PALLD: variants seen among roughly 807,000 people sequenced by gnomAD.
PALLD encodes palladin, cytoskeletal associated protein, also known as palladin.
Under a neutral mutation model 123.5 loss-of-function variants are expected in PALLD, and 61 were observed. The ratio of observed to expected loss-of-function variants is 0.49; its 90% confidence interval spans 0.40 to 0.61. PALLD has a LOEUF of 0.61. Ranked by LOEUF, PALLD falls within the 20% of genes least tolerant of loss-of-function variation. The pLI, the probability that PALLD is intolerant of heterozygous loss-of-function variation, is 0.00. For synonymous variants in PALLD, 465 were observed against 496.4 expected, an observed-to-expected ratio of 0.94 and a Z score of 0.84; for missense variants, 1,273 against 1,377.0, an observed-to-expected ratio of 0.92 and a Z score of 1.20.
intron 10 of PALLD, among the ~76,000 whole-genome samples, chr4:168,849,108 T>C (rs531265697): frequency 6.6e-6 from 1 of 152,376 alleles, no homozygotes; most frequent in East Asian, 1.9e-4. Flanking sequence ...AGTCTTAGTA[T>C]ATTTCAGGTT....
At chr4:168,654,628 A>G (rs752741612) in intron 2 of PALLD, 2 of 152,238 alleles carry the variant, frequency 1.3e-5, no homozygotes, top group African/African-American at 4.8e-5. Flanking sequence ...GAAATGAAAC[A>G]TGGCATTTTA....
intron 10 of PALLD, among the ~76,000 whole-genome samples, chr4:168,800,446 G>T (rs1739163433): frequency 6.6e-6 from 1 of 152,018 alleles, no homozygotes; most frequent in Non-Finnish European, 1.5e-5. Flanking sequence ...AAATAAATAA[G>T]TGAAAAGTAG....
At chr4:168,651,265 C>A (rs1778012665) in intron 2 of PALLD, among the ~76,000 whole-genome samples, 2 of 152,154 alleles carry the variant, frequency 1.3e-5, no homozygotes, top group Non-Finnish European at 1.5e-5. Context: ...GAGTGTTGGG[C>A]AAACTGGTTC....
chr4:168,694,796 C>A (rs961540797), intron 8 of PALLD, among the ~76,000 whole-genome samples: 1 of 152,228 alleles, frequency 6.6e-6, no homozygotes, highest in African/African-American at 2.4e-5. Context: ...CAGCTTGCAT[C>A]ACAAATCTTT....
rs576325430 is a variant in PALLD, at chr4:168,618,016, C to T, written c.909-50174C>T. Among the ~76,000 whole-genome samples the T allele has an allele frequency of 2.0e-5, 3 of 152,188 alleles. No homozygotes were observed. In the East Asian group the frequency reaches 5.8e-4, roughly 30 times the overall value. On this transcript the variant is annotated intron_variant, in intron 2 of 21. Transcript: ENST00000505667. ...CCCTGCTCTTGCTTTGCAAAGAAAT[C>T]ATCAGTAAAGTTCTATATTTTTCTT...
intron 8 of PALLD, among the ~76,000 whole-genome samples, chr4:168,704,884 A>G (rs1784081231): frequency 6.6e-6 from 1 of 152,114 alleles, no homozygotes; most frequent in Middle Eastern, 3.2e-3. Context: ...CTTTGTGATT[A>G]TAGGATCATT....
chr4:168,631,775 T>C, intron 2 of PALLD: 2 of 985,482 alleles, frequency 2.0e-6, no homozygotes, highest in African/African-American at 3.5e-5. Context: ...ATTTTCTCCG[T>C]TGCATTCTGC....
intron 2 of PALLD, among the ~76,000 whole-genome samples, chr4:168,579,266 T>C (rs1468654177): frequency 9.2e-5 from 14 of 152,132 alleles, no homozygotes; most frequent in Non-Finnish European, 5.9e-5. Flanking sequence ...TTCATGTAAT[T>C]CGGGTAAGAA....
intron 17 of PALLD, among the ~76,000 whole-genome samples, chr4:168,918,490 C>CTCAT (rs903679596): frequency 6.6e-6 from 1 of 152,020 alleles, no homozygotes; most frequent in African/African-American, 2.4e-5. Flanking sequence ...AAAAGTTGAA[C>CTCAT]TCATAGTAGA....
intron 10 of PALLD, among the ~76,000 whole-genome samples, chr4:168,877,271 C>G (rs1326968628): frequency 1.3e-5 from 2 of 152,214 alleles, no homozygotes; most frequent in African/African-American, 4.8e-5. Flanking sequence ...ATTGGACTAA[C>G]GTAAATCTGC....
chr4:168,784,865 C>T (rs1016406562), intron 10 of PALLD, among the ~76,000 whole-genome samples: 13 of 152,026 alleles, frequency 8.6e-5, no homozygotes, highest in Admixed American at 5.2e-4. Flanking sequence ...CAAACAATGC[C>T]GCCTTATGAG....
At chr4:168,615,705 A>AG (rs1212758832) in intron 2 of PALLD, among the ~76,000 whole-genome samples, 6 of 152,130 alleles carry the variant, frequency 3.9e-5, no homozygotes, top group African/African-American at 9.7e-5. Flanking sequence ...TCCCCAGCCA[A>AG]GGGGGGTGCT....
intron 2 of PALLD, among the ~76,000 whole-genome samples, chr4:168,605,920 T>A (rs1002038631): frequency 6.7e-6 from 1 of 150,092 alleles, no homozygotes. Flanking sequence ...TTATCCTTTT[T>A]TTTAAGAGTT....
At chr4:168,565,300 T>C (rs767967802) in intron 2 of PALLD, among the ~76,000 whole-genome samples, 8 of 152,162 alleles carry the variant, frequency 5.3e-5, no homozygotes, top group Non-Finnish European at 7.3e-5. Context: ...ATAGGCTAGA[T>C]GTTTCAGTAG....
rs866393252 is a variant in PALLD at position 168,781,326 on chromosome 4, C to T, written c.1964+69403C>T. Among the ~76,000 whole-genome samples, 5 of 152,110 alleles carry T rather than the reference C, an allele frequency of 3.3e-5. 1 individual carries two copies. Among genetic ancestry groups the T allele is most frequent in the African/African-American group, 1.2e-4 (5 of 41,410 alleles). On this transcript the variant is annotated intron_variant, in intron 10 of 21. Coordinates refer to ENST00000505667, the MANE Select transcript of PALLD (RefSeq NM_001166108.2). ...GGTATCTTCCTTCCCTGCATTTTGG[C>T]CAGTTTCAAGTCAGAAGTGGGCAGA... is the stretch of plus-strand genomic sequence containing the variant.
At chr4:168,521,461 AAG>A (rs1763555572) in intron 2 of PALLD, among the ~76,000 whole-genome samples, 1 of 152,168 alleles carries the variant, frequency 6.6e-6, no homozygotes, top group Non-Finnish European at 1.5e-5. Context: ...AACACAGAGA[AAG>A]AGTTTAAAAC....
chr4:168,817,700 A>G (rs913123644), intron 10 of PALLD, among the ~76,000 whole-genome samples: 3 of 152,230 alleles, frequency 2.0e-5, no homozygotes, highest in Admixed American at 2.0e-4. Flanking sequence ...ACTCCTAAAC[A>G]TAATTTGAAA....
chr4:168,894,719 G>T, intron 12 of PALLD, 42 bp downstream of exon 12: 1 of 1,597,930 alleles, frequency 6.3e-7, no homozygotes. Flanking sequence ...CATTTATTCT[G>T]TCCCCCTTTT....
intron 2 of PALLD, among the ~76,000 whole-genome samples, chr4:168,639,738 G>A (rs1226832880): frequency 1.3e-5 from 2 of 151,914 alleles, no homozygotes; most frequent in Non-Finnish European, 2.9e-5. Flanking sequence ...TAGAGACGGG[G>A]TTTCACCGTG....
Sources: gnomAD v4.1 joint callset for allele counts (sites outside exome capture counted in the v4.1 genomes callset) on GRCh38, gnomAD v4.1.1 for gene constraint, MANE v1.5 for transcripts, NCBI Gene and HGNC (gene_info 2026-07-23, HGNC 2026-07-21) for gene names.